SAXO1: variants seen among roughly 807,000 people sequenced by gnomAD.
SAXO1 encodes the protein stabilizer of axonemal microtubules 1.
Under a neutral mutation model 17.5 loss-of-function variants are expected in SAXO1, and 21 were observed. That is an observed-to-expected ratio of 1.20 (90% CI 0.85 to 1.72). SAXO1 has a LOEUF of 1.72. Ranked by LOEUF, SAXO1 falls within the 40% of genes most tolerant of loss-of-function variation. The pLI is 0.00. For synonymous variants in SAXO1, 274 were observed against 216.5 expected (o/e 1.27, Z -2.33); for missense variants, 843 against 596.0 (o/e 1.41, Z -4.32).
intron 1 of SAXO1, among the ~76,000 whole-genome samples, chr9:19,019,598 G>T (rs1190661845): frequency 6.6e-6 from 1 of 152,056 alleles, no homozygotes; most frequent in East Asian, 1.9e-4. Context: ...GCATGGTGGT[G>T]CATGCCTGTA....
chr9:19,047,939 A>G (rs1026272365), intron 1 of SAXO1, among the ~76,000 whole-genome samples: 2 of 152,226 alleles, frequency 1.3e-5, no homozygotes, highest in Admixed American at 6.5e-5. Context: ...AGGCGATCAG[A>G]TAAGAAGGCT....
intron 3 of SAXO1, among the ~76,000 whole-genome samples, chr9:18,932,862 T>G (rs1367286627): frequency 1.3e-5 from 2 of 152,224 alleles, no homozygotes; most frequent in Non-Finnish European, 2.9e-5. Context: ...CAACTGATTT[T>G]TATATATTGT....
intron 1 of SAXO1, among the ~76,000 whole-genome samples, chr9:18,980,529 G>C (rs10963891): frequency 4.0e-5 from 2 of 49,530 alleles, no homozygotes; most frequent in Admixed American, 5.3e-4. Context: ...AGGTAGTGGC[G>C]GGGGGAGGGA....
intron 1 of SAXO1, among the ~76,000 whole-genome samples, chr9:19,024,479 A>T (rs1386624991): frequency 2.0e-5 from 3 of 152,080 alleles, no homozygotes; most frequent in African/African-American, 7.2e-5. Flanking sequence ...GCATTAGGAG[A>T]TATACCTAAT....
intron 1 of SAXO1, among the ~76,000 whole-genome samples, chr9:18,985,816 C>T (rs570212818): frequency 1.3e-5 from 2 of 152,322 alleles, no homozygotes; most frequent in Admixed American, 6.5e-5. Flanking sequence ...AACACATAGA[C>T]TGCATTACAG....
At chr9:18,987,752 C>G (rs1389296028) in intron 1 of SAXO1, among the ~76,000 whole-genome samples, 1 of 151,934 alleles carries the variant, frequency 6.6e-6, no homozygotes, top group Non-Finnish European at 1.5e-5. Flanking sequence ...AAATAATTAG[C>G]TAGGTGTGGT....
intron 1 of SAXO1, among the ~76,000 whole-genome samples, chr9:19,012,006 C>T (rs892395160): frequency 9.2e-5 from 14 of 152,106 alleles, no homozygotes; most frequent in East Asian, 7.7e-4. Flanking sequence ...TCACCATGCC[C>T]GGCCAATTTT....
upstream of SAXO1, among the ~76,000 whole-genome samples, chr9:19,036,715 C>G (rs1357956159): frequency 6.6e-6 from 1 of 152,148 alleles, no homozygotes; most frequent in Non-Finnish European, 1.5e-5. Flanking sequence ...GATGTCCAAG[C>G]AGAAGTTTGC....
intron 2 of SAXO1, among the ~76,000 whole-genome samples, chr9:18,942,413 C>T (rs10963851): frequency 0.038 from 5,811 of 152,234 alleles, 125 homozygotes; most frequent in Middle Eastern, 0.065. Context: ...TCTACTGCTG[C>T]GCTCTCCACC....
intron 1 of SAXO1, among the ~76,000 whole-genome samples, chr9:19,042,560 T>A (rs1283656105): frequency 1.3e-5 from 2 of 152,220 alleles, no homozygotes; most frequent in Non-Finnish European, 2.9e-5. Flanking sequence ...TATTAACAGA[T>A]AAATAGATAT....
rs115334580 is a variant in SAXO1 at position 18,928,344 on chromosome 9, T to C, written c.1133A>G (p.Tyr378Cys). ...LDCLTTTRAH[Y>C]VPHLPINTKS... is the part of the protein sequence containing the mutation. ...GGTATTGATAGGCAGGTGGGGCACA[T>C]AGTGGGCCCGAGTGGTGGTCAGGCA... The change falls in exon 4 of 4, where the codon TAT becomes TGT. Residue 378 changes from tyrosine (Y) to cysteine (C), a missense_variant. Transcript: ENST00000380534. 1,019 of 1,613,016 alleles carry C rather than the reference T, an allele frequency of 6.3e-4. 7 individuals carry two copies. The African/African-American group carries it at 0.01, about 16-fold the overall frequency.
intron 1 of SAXO1, among the ~76,000 whole-genome samples, chr9:19,048,621 T>A (rs1374808874): frequency 6.6e-6 from 1 of 152,226 alleles, no homozygotes; most frequent in East Asian, 1.9e-4. Context: ...TAGCCTATTG[T>A]TAGGCAAATA....
chr9:19,044,197 A>G (rs886117422), intron 1 of SAXO1, among the ~76,000 whole-genome samples: 1 of 152,106 alleles, frequency 6.6e-6, no homozygotes, highest in Non-Finnish European at 1.5e-5. Flanking sequence ...GAGGGGATGC[A>G]TACCCCATTT....
chr9:18,939,087 G>A (rs1831438643), intron 3 of SAXO1, among the ~76,000 whole-genome samples: 1 of 151,966 alleles, frequency 6.6e-6, no homozygotes, highest in Admixed American at 6.6e-5. Flanking sequence ...AAACCAACAG[G>A]GCCCACAAAG....
At chr9:19,029,552 G>C (rs10811103) in intron 1 of SAXO1, among the ~76,000 whole-genome samples, 1 of 151,878 alleles carries the variant, frequency 6.6e-6, no homozygotes. Context: ...CATCCCAACC[G>C]GTCACTGAGC....
In SAXO1 at chr9:19,010,238, C is replaced by T. The variant is rs564091989; in HGVS notation, c.38+22633G>A. Among the ~76,000 whole-genome samples the T allele has an allele frequency of 9.9e-5, 15 of 152,244 alleles. No homozygotes were observed. In the South Asian group the frequency reaches 1.2e-3, roughly 13 times the overall value. The stretch of plus-strand genomic sequence containing the variant: ...TATCTGCACCTTACCCTTCCCAGGA[C>T]GTTCTAAAACTCCTCAGGCAACCAG... On this transcript the variant is annotated intron_variant, in intron 1 of 3. Transcript: ENST00000380534.
intron 3 of SAXO1, among the ~76,000 whole-genome samples, chr9:18,940,460 C>T (rs924873794): frequency 9.2e-5 from 14 of 152,324 alleles, no homozygotes; most frequent in Admixed American, 2.0e-4. Flanking sequence ...CAGAGAAACT[C>T]AACTAAGCAC....
At chr9:18,985,279 A>G (rs1833547610) in intron 1 of SAXO1, among the ~76,000 whole-genome samples, 1 of 152,208 alleles carries the variant, frequency 6.6e-6, no homozygotes, top group Non-Finnish European at 1.5e-5. Context: ...CATAACAGAC[A>G]TAATAATTAA....
At chr9:18,980,758 G>GA in intron 1 of SAXO1, among the ~76,000 whole-genome samples, 1 of 118,142 alleles carries the variant, frequency 8.5e-6, no homozygotes, top group Non-Finnish European at 1.6e-5. Flanking sequence ...TTTGTGGGAG[G>GA]AGAAGCATAT....
Sources: allele counts gnomAD v4.1 joint callset (sites outside exome capture counted in the v4.1 genomes callset), GRCh38; gene constraint gnomAD v4.1.1; transcripts MANE v1.5; gene names NCBI Gene and HGNC (gene_info 2026-07-23, HGNC 2026-07-21).